FUT8: variants seen among roughly 807,000 people sequenced by gnomAD.
FUT8 encodes alpha-(1,6)-fucosyltransferase.
A neutral mutation model predicts 71.3 loss-of-function variants in FUT8; 29 were observed. That is an observed-to-expected ratio of 0.41 (90% CI 0.30 to 0.55). FUT8 has a LOEUF of 0.55. Ranked by LOEUF, FUT8 falls within the 20% of genes least tolerant of loss-of-function variation. The probability of loss-of-function intolerance (pLI) is 0.34; values close to 1 mark genes in which losing one functional copy is unlikely to be tolerated. For synonymous variants in FUT8, 254 were observed against 239.3 expected (o/e 1.06, Z -0.57); for missense variants, 544 against 702.1 (o/e 0.77, Z 2.55).
chr14:65,725,220 C>G (rs759927282), intron 9 of FUT8, among the ~76,000 whole-genome samples: 13 of 152,124 alleles, frequency 8.5e-5, no homozygotes, highest in Non-Finnish European at 1.8e-4. Context: ...GGAACAGTAA[C>G]AATTATTTTT....
intron 2 of FUT8, among the ~76,000 whole-genome samples, chr14:65,487,580 A>C (rs966955088): frequency 2.0e-5 from 3 of 151,868 alleles, no homozygotes. Flanking sequence ...AAAAAAAAAA[A>C]AAAAACTCAG....
At chr14:65,568,084 T>C (rs1481030797) in intron 3 of FUT8, among the ~76,000 whole-genome samples, 1 of 151,802 alleles carries the variant, frequency 6.6e-6, no homozygotes, top group Non-Finnish European at 1.5e-5. Flanking sequence ...AGATTCTGGA[T>C]TTCATCTCTT....
chr14:65,542,900 A>G (rs1401573822), intron 2 of FUT8, among the ~76,000 whole-genome samples: 4 of 152,138 alleles, frequency 2.6e-5, no homozygotes, highest in Non-Finnish European at 5.9e-5. Flanking sequence ...ATCCAGCCTC[A>G]GCCTCCTGAG....
chr14:65,364,922 T>C, the FUT8 span, among the ~76,000 whole-genome samples: 6 of 152,170 alleles, frequency 3.9e-5, no homozygotes, highest in Non-Finnish European at 7.3e-5. Context: ...AGCCGGGGCT[T>C]ACACCTGAGG....
intron 3 of FUT8, among the ~76,000 whole-genome samples, chr14:65,597,181 T>C (rs10136412): frequency 0.08 from 11,206 of 139,478 alleles, 823 homozygotes; most frequent in African/African-American, 0.2. Flanking sequence ...AAGTTAAGAG[T>C]CACACGGTAA....
At chr14:65,712,936 T>C (rs1894876882) in intron 7 of FUT8, among the ~76,000 whole-genome samples, 1 of 152,330 alleles carries the variant, frequency 6.6e-6, no homozygotes, top group African/African-American at 2.4e-5. Flanking sequence ...TTTTACTTAT[T>C]TTAAAATGTA....
chr14:65,618,643 A>C (rs1291097711), intron 5 of FUT8, among the ~76,000 whole-genome samples: 12 of 152,224 alleles, frequency 7.9e-5, no homozygotes. Context: ...TATTATGTAG[A>C]ATATACCCTT....
At chr14:65,677,151 T>TGTGTGCGCGCGCGCGCGCAC in intron 7 of FUT8, among the ~76,000 whole-genome samples, 2 of 110,702 alleles carry the variant, frequency 1.8e-5, no homozygotes, top group Admixed American at 9.2e-5. Context: ...TGTGTGTGTG[T>TGTGTGCGCGCGCGCGCGCAC]GCGCGCGCGC....
At chr14:65,364,807 T>G in the FUT8 span, among the ~76,000 whole-genome samples, 1 of 152,172 alleles carries the variant, frequency 6.6e-6, no homozygotes, top group Non-Finnish European at 1.5e-5. Context: ...AAGTCTTCCT[T>G]GAAATCTAGG....
chr14:65,497,151 A>G (rs577047642), intron 2 of FUT8, among the ~76,000 whole-genome samples: 10 of 152,276 alleles, frequency 6.6e-5, no homozygotes, highest in African/African-American at 9.6e-5. Context: ...TTCATTTCCA[A>G]CGGTAATATA....
intron 3 of FUT8, among the ~76,000 whole-genome samples, chr14:65,580,417 A>AAT (rs957827420): frequency 6.6e-5 from 10 of 151,384 alleles, no homozygotes; most frequent in Admixed American, 4.0e-4. Flanking sequence ...TGCATGACTA[A>AAT]ATATATATAT....
At chr14:65,720,610 C>T (rs116487651) in intron 7 of FUT8, among the ~76,000 whole-genome samples, 1,589 of 152,290 alleles carry the variant, frequency 0.01, 29 homozygotes, top group African/African-American at 0.037. Flanking sequence ...GCCTTAGCCA[C>T]CTCAGCTGGT....
chr14:65,443,923 AGT>A lies in FUT8; in HGVS notation c.-325-11697_-325-11696del, dbSNP rs550744910. On this transcript the variant is annotated intron_variant, in intron 1 of 10. Transcript: ENST00000673929. ...AGAAATGGCTTTTGGAAAGATGAGA[AGT>A]AACTTGACAAGCTTTTTAATGTTTT... Among the ~76,000 whole-genome samples the A allele has an allele frequency of 1.0e-3, 157 of 152,310 alleles. 1 individual carries two copies. In the Middle Eastern group the frequency reaches 0.014, roughly 13 times the overall value.
At chr14:65,715,970 C>T (rs1045495203) in intron 7 of FUT8, among the ~76,000 whole-genome samples, 1 of 112,004 alleles carries the variant, frequency 8.9e-6, no homozygotes, top group East Asian at 2.4e-4. Flanking sequence ...GTGAGACCCT[C>T]TCTCAAAAAA....
At chr14:65,538,933 A>G in intron 2 of FUT8, among the ~76,000 whole-genome samples, 1 of 152,020 alleles carries the variant, frequency 6.6e-6, no homozygotes, top group Admixed American at 6.5e-5. Context: ...AAAACAAAAC[A>G]AAACAAAACA....
Position 65,669,157 on chromosome 14 carries a change from T to C in FUT8, c.598-86T>C, listed in dbSNP as rs74058553. The C allele has an allele frequency of 2.6e-3, 2,627 of 992,946 alleles. 14 individuals carry two copies. The highest frequency in any genetic ancestry group is 0.023 in the African/African-American group (1,423 of 61,038). 61.5% of individuals were successfully genotyped at this position (992,946 alleles called of 1,614,324 possible). On this transcript the variant is annotated intron_variant, in intron 6 of 10. Transcript: ENST00000673929. The surrounding 1 kb of genome is among the most constrained non-coding windows in gnomAD (Gnocchi z 4.5). Reference sequence around the variant, plus strand: ...TAGAACAAACCTGCATGTGTACCCCTGAAGATGAAAGATTAAAAAAAAAAA... The same window carrying C: ...TAGAACAAACCTGCATGTGTACCCCCGAAGATGAAAGATTAAAAAAAAAAA...
At chr14:65,428,676 A>G (rs903380202) in intron 1 of FUT8, among the ~76,000 whole-genome samples, 3 of 152,220 alleles carry the variant, frequency 2.0e-5, no homozygotes, top group Non-Finnish European at 4.4e-5. Context: ...GTTCACACAT[A>G]CAACTCTGAG....
In FUT8 at chr14:65,528,172, C is replaced by T. The variant is rs113832486; in HGVS notation, c.-227-33165C>T. ...GTGGAGTCTGCAGAGGCAGGCAGGC[C>T]TCCTTGAGCTGCGGTGGACTCCACC... On this transcript the variant is annotated intron_variant, in intron 2 of 10. Transcript: ENST00000673929. Among the ~76,000 whole-genome samples, 1,450 of 152,324 alleles carry T rather than the reference C, an allele frequency of 9.5e-3. 23 individuals are homozygous for T. Among genetic ancestry groups the T allele is most frequent in the African/African-American group, 0.033 (1,382 of 41,574 alleles).
At chr14:65,599,283 A>G (rs72716408) in intron 3 of FUT8, among the ~76,000 whole-genome samples, 20,683 of 152,174 alleles carry the variant, frequency 0.14, 1,893 homozygotes, top group South Asian at 0.28. Flanking sequence ...AAGAAAGAGG[A>G]GAAAACTAAA....
Sources: allele counts gnomAD v4.1 joint callset (sites outside exome capture counted in the v4.1 genomes callset), GRCh38; gene constraint gnomAD v4.1.1; non-coding constraint Gnocchi (gnomAD v3.1); transcripts MANE v1.5; gene names NCBI Gene and HGNC (gene_info 2026-07-23, HGNC 2026-07-21).